COP1: variants seen among roughly 807,000 people sequenced by gnomAD.
COP1 encodes the protein E3 ubiquitin-protein ligase COP1.
A neutral mutation model predicts 101.3 loss-of-function variants in COP1; 24 were observed. The observed-to-expected ratio is 0.24, with a 90% CI of 0.17 to 0.33. COP1 has a LOEUF of 0.33. Ranked by LOEUF, COP1 falls within the 10% of genes least tolerant of loss-of-function variation. The pLI, the probability that COP1 is intolerant of heterozygous loss-of-function variation, is 1.00. For synonymous variants in COP1, 347 were observed against 341.9 expected, an observed-to-expected ratio of 1.01 and a Z score of -0.17; for missense variants, 663 against 906.2, an observed-to-expected ratio of 0.73 and a Z score of 3.45.
At chr1:176,205,303 G>A (rs1263535012) in intron 1 of COP1, among the ~76,000 whole-genome samples, 1 of 152,060 alleles carries the variant, frequency 6.6e-6, no homozygotes, top group African/African-American at 2.4e-5. Context: ...TCATATTACA[G>A]CCCAAATGTT....
intron 18 of COP1, among the ~76,000 whole-genome samples, chr1:175,953,261 T>C (rs1259650067): frequency 6.7e-6 from 1 of 149,236 alleles, no homozygotes. Context: ...AATAAGCTAG[T>C]AAAGGAGAAA....
At chr1:176,187,486 C>T (rs2102077972) in intron 1 of COP1, among the ~76,000 whole-genome samples, 1 of 151,880 alleles carries the variant, frequency 6.6e-6, no homozygotes, top group African/African-American at 2.4e-5. Flanking sequence ...TGGGCTGGAG[C>T]GATTCTCCCA....
At chr1:175,992,183 G>A (rs1020010131) in intron 15 of COP1, among the ~76,000 whole-genome samples, 20 of 152,204 alleles carry the variant, frequency 1.3e-4, no homozygotes, top group African/African-American at 2.4e-4. Context: ...GGAGAATGGC[G>A]CACCTACCTC....
At chr1:176,143,678 G>A (rs1343401507) in intron 6 of COP1, among the ~76,000 whole-genome samples, 2 of 151,968 alleles carry the variant, frequency 1.3e-5, no homozygotes, top group Non-Finnish European at 2.9e-5. Context: ...TGCAAGTAGG[G>A]GGACCAATTG....
chr1:175,981,484 T>C (rs1478787842), intron 18 of COP1, among the ~76,000 whole-genome samples: 1 of 152,148 alleles, frequency 6.6e-6, no homozygotes, highest in East Asian at 1.9e-4. Context: ...TGCAGAAGAA[T>C]GAAGTTGAGT....
At chr1:176,073,021 T>G (rs1384765579) in intron 11 of COP1, among the ~76,000 whole-genome samples, 1 of 152,224 alleles carries the variant, frequency 6.6e-6, no homozygotes, top group African/African-American at 2.4e-5. Flanking sequence ...AGAAGAGCAC[T>G]AGAATTCAGG....
chr1:176,019,080 C>G (rs1215501936), intron 15 of COP1, among the ~76,000 whole-genome samples: 1 of 152,038 alleles, frequency 6.6e-6, no homozygotes, highest in Non-Finnish European at 1.5e-5. Context: ...GCACGAGAAT[C>G]GCTTGAACCT....
chr1:175,955,766 C>CCACACACACACACACACAAACACA (rs149286712), intron 18 of COP1, among the ~76,000 whole-genome samples: 44 of 129,284 alleles, frequency 3.4e-4, no homozygotes, highest in Admixed American at 7.3e-4. Context: ...TAGAGACAAA[C>CCACACACACACACACACAAACACA]CACACACACA....
chr1:176,057,277 T>TA (rs1476060319), intron 11 of COP1, among the ~76,000 whole-genome samples: 1 of 152,158 alleles, frequency 6.6e-6, no homozygotes, highest in Non-Finnish European at 1.5e-5. Context: ...AATAAGAACT[T>TA]AAGAGTGTAT....
intron 11 of COP1, among the ~76,000 whole-genome samples, chr1:176,061,870 A>G (rs546209583): frequency 1.3e-5 from 2 of 152,348 alleles, no homozygotes; most frequent in African/African-American, 4.8e-5. Context: ...CTTGAAAGAC[A>G]CTATTAAGAA....
chr1:176,206,769 C>T lies in COP1; in HGVS notation c.210G>A (p.Val70=), dbSNP rs1271705065. The change falls in exon 1 of 20, where the codon GTG becomes GTA. Residue 70 remains valine, a synonymous_variant. Transcript: ENST00000367669. ...CGCCGCTACCCGATACGGCGGGCGC[C>T]ACCAACACAGGCCGCACCGGGCCCC... is the stretch of plus-strand genomic sequence containing the variant. ...GLGGPVRPVL[V]APAVSGSGGG... The T allele has an allele frequency of 2.0e-6, 3 of 1,495,304 alleles. No individual in the cohort carries two copies. The highest frequency in any genetic ancestry group is 2.7e-6 in the Non-Finnish European group (3 of 1,130,266). The allele number at this position is 1,495,304 out of a possible 1,614,324, so 92.6% of individuals were successfully genotyped here. A position where few individuals can be genotyped will look rare whatever the true frequency, so the allele number is the denominator to read the frequency against.
intron 15 of COP1, among the ~76,000 whole-genome samples, chr1:176,003,734 T>C (rs1446982504): frequency 2.0e-5 from 3 of 151,906 alleles, no homozygotes; most frequent in African/African-American, 7.2e-5. Context: ...ACCAGTACCA[T>C]GCTGTTTTGG....
intron 15 of COP1, among the ~76,000 whole-genome samples, chr1:175,998,085 A>AG (rs1660681315): frequency 7.9e-6 from 1 of 127,072 alleles, no homozygotes; most frequent in Non-Finnish European, 1.8e-5. Flanking sequence ...AAAAAAAAAA[A>AG]AAAAAGAAAA....
chr1:176,148,893 C>A, intron 6 of COP1, 113 bp downstream of exon 6: 1 of 645,128 alleles, frequency 1.6e-6, no homozygotes, highest in Non-Finnish European at 2.6e-6. Flanking sequence ...CCTAAAAATT[C>A]AAATGCTTTT....
At chr1:176,086,186 T>A (rs561169244) in intron 9 of COP1, among the ~76,000 whole-genome samples, 2 of 151,924 alleles carry the variant, frequency 1.3e-5, no homozygotes, top group East Asian at 3.9e-4. Context: ...GAAGACAGAA[T>A]TCATTATGCC....
chr1:176,199,685 T>TA (rs1224378391), intron 1 of COP1, among the ~76,000 whole-genome samples: 38 of 152,200 alleles, frequency 2.5e-4, no homozygotes, highest in African/African-American at 8.7e-4. Flanking sequence ...GACTACCGAC[T>TA]AAAGGACTCC....
chr1:176,015,356 G>A (rs534764721), intron 15 of COP1, among the ~76,000 whole-genome samples: 17 of 152,150 alleles, frequency 1.1e-4, no homozygotes, highest in African/African-American at 3.4e-4. Context: ...ATGCAGGTCC[G>A]AATCGTTGCA....
chr1:176,203,173 T>C (rs548589289), intron 1 of COP1, among the ~76,000 whole-genome samples: 1 of 151,928 alleles, frequency 6.6e-6, no homozygotes, highest in African/African-American at 2.4e-5. Flanking sequence ...CCGCCTCTAC[T>C]AAAAATACAA....
chr1:176,004,015 C>G (rs1262045508), intron 15 of COP1, among the ~76,000 whole-genome samples: 1 of 145,836 alleles, frequency 6.9e-6, no homozygotes, highest in Non-Finnish European at 1.5e-5. Flanking sequence ...TTTGTATCCT[C>G]TTTTATTTCC....
Sources: gnomAD v4.1 joint callset for allele counts (sites outside exome capture counted in the v4.1 genomes callset) on GRCh38, gnomAD v4.1.1 for gene constraint, MANE v1.5 for transcripts, NCBI Gene and HGNC (gene_info 2026-07-23, HGNC 2026-07-21) for gene names.